IFT46: variants seen among roughly 807,000 people sequenced by gnomAD.
IFT46 encodes intraflagellar transport 46.
Under a neutral mutation model 39.6 loss-of-function variants are expected in IFT46, and 19 were observed. That is an observed-to-expected ratio of 0.48 (90% CI 0.33 to 0.70). The LOEUF is 0.70. Ranked by LOEUF, IFT46 falls within the 30% of genes least tolerant of loss-of-function variation. The pLI, the probability that IFT46 is intolerant of heterozygous loss-of-function variation, is 0.01. For synonymous variants in IFT46, 117 were observed against 134.8 expected (o/e 0.87, Z 0.91); for missense variants, 334 against 364.8 (o/e 0.92, Z 0.69).
intron 2 of IFT46, among the ~76,000 whole-genome samples, chr11:118,564,502 G>A (rs553634410): frequency 6.6e-6 from 1 of 152,116 alleles, no homozygotes; most frequent in Non-Finnish European, 1.5e-5. Flanking sequence ...CTTGAGGCTA[G>A]GAGTTCAAGA....
intron 2 of IFT46, chr11:118,560,288 A>G (rs3132828): frequency 0.6 from 105,946 of 175,578 alleles, 32,766 homozygotes; most frequent in East Asian, 0.79. Flanking sequence ...GTGTGATGCC[A>G]TGCGCCTGTG....
Position 118,544,993 on chromosome 11 carries a change from C to CAGCGAG in IFT46, c.832_837dup (p.Leu278_Ala279dup), listed in dbSNP as rs1951641209. 1 of 1,612,464 alleles carries CAGCGAG rather than the reference C, an allele frequency of 6.2e-7. No individual in the cohort carries two copies. The highest frequency in any genetic ancestry group is 1.1e-5 in the South Asian group (1 of 90,716). Reference sequence around the variant, plus strand: ...GAAGGAGTGAATGCTTTCTTGCCTTCAGCGAGAGCTTTAAAATGCTGCAAG... The same window carrying CAGCGAG: ...GAAGGAGTGAATGCTTTCTTGCCTTCAGCGAGAGCGAGAGCTTTAAAATGCTGCAAG... On this transcript the variant is annotated inframe_insertion, in exon 12 of 12. Transcript: ENST00000264021.
upstream of IFT46, chr11:118,573,552 T>G: frequency 1.8e-6 from 1 of 571,206 alleles, no homozygotes; most frequent in Non-Finnish European, 3.2e-6. Flanking sequence ...TATTTTTCAG[T>G]GCACCTTATG....
At chr11:118,569,345 A>G (rs1412110163), upstream of IFT46, among the ~76,000 whole-genome samples, 1 of 151,272 alleles carries the variant, frequency 6.6e-6, no homozygotes, top group Non-Finnish European at 1.5e-5. Flanking sequence ...GCAATCCCAG[A>G]ACTTTGGGGG....
At chr11:118,555,110 G>A (rs782065735) in intron 5 of IFT46, 27 bp from the exon 6 acceptor site, 3 of 1,576,752 alleles carry the variant, frequency 1.9e-6, no homozygotes, top group Admixed American at 3.3e-5. Context: ...AGGGAAGGTG[G>A]AGACAGTCAG....
At chr11:118,559,493 G>A (rs1453676920) in intron 3 of IFT46, among the ~76,000 whole-genome samples, 4 of 152,138 alleles carry the variant, frequency 2.6e-5, no homozygotes, top group South Asian at 2.1e-4. Context: ...CTGGGAATCC[G>A]TATATTTAAA....
At chr11:118,570,140 C>T (rs782362279), upstream of IFT46, among the ~76,000 whole-genome samples, 17 of 151,456 alleles carry the variant, frequency 1.1e-4, no homozygotes, top group East Asian at 3.9e-4. Flanking sequence ...ACCCAACCTC[C>T]GCCTCCTAGC....
chr11:118,567,270 T>G (rs1555071664), upstream of IFT46, among the ~76,000 whole-genome samples: 1 of 149,878 alleles, frequency 6.7e-6, no homozygotes, highest in Admixed American at 6.6e-5. Flanking sequence ...ATATAAATAA[T>G]GAATAATAAC....
chr11:118,573,584 G>A (rs1203205476), upstream of IFT46: 4 of 675,474 alleles, frequency 5.9e-6, no homozygotes, highest in African/African-American at 7.2e-5. Flanking sequence ...TTTGAAGGAT[G>A]TTCTGTTCTG....
intron 9 of IFT46, chr11:118,547,062 C>T (rs1056482403): frequency 2.5e-4 from 38 of 152,168 alleles, no homozygotes; most frequent in Non-Finnish European, 4.9e-4. Context: ...TATTCCATTG[C>T]ATAGTATTTC....
In IFT46 at chr11:118,572,595, C is replaced by A; in HGVS notation, c.-133+1G>T. 6.3e-7 allele frequency: 1 copy of A among 1,596,346 alleles called. No homozygotes were observed. Among genetic ancestry groups the A allele is most frequent in the South Asian group, 1.1e-5 (1 of 88,438 alleles). ...CCGAACTCCTGGGGTCCGAGCCTCA[C>A]CGTCTCTCCTTGTCGGCGGGCCTGG... On this transcript the variant is annotated splice_donor_variant, in intron 1 of 5. Transcript: ENST00000528378. LOFTEE classifies it low-confidence loss of function (5UTR_SPLICE).
chr11:118,572,296 C>A (rs1036245462), intron 1 of IFT46: 6 of 511,736 alleles, frequency 1.2e-5, no homozygotes, highest in Non-Finnish European at 1.8e-5. Context: ...ACCTCCTGGG[C>A]TTAATCGTAA....
chr11:118,572,356 C>CCCCCCCCCCCCCT, intron 1 of IFT46: 1 of 152,140 alleles, frequency 6.6e-6, no homozygotes, highest in South Asian at 2.1e-4. Context: ...CCGCCCCCCC[C>CCCCCCCCCCCCCT]CCCGCCCTTT....
intron 2 of IFT46, 31 bp downstream of exon 2, chr11:118,564,934 T>G (rs1332509107): frequency 3.9e-5 from 6 of 152,644 alleles, no homozygotes; most frequent in African/African-American, 1.4e-4. Context: ...TCCTGCTCTT[T>G]CAGTAGCATT....
chr11:118,552,461 C>T, intron 7 of IFT46, 126 bp from the exon 8 acceptor site: 2 of 1,140,906 alleles, frequency 1.8e-6, no homozygotes, highest in Admixed American at 2.2e-5. Context: ...CCACGTGAAA[C>T]AGTAGCCAAA....
chr11:118,554,553 C>T lies in IFT46; in HGVS notation c.389G>A (p.Gly130Asp). The stretch of plus-strand genomic sequence containing the variant: ...AGAAGGTTCATCCAATACCAATAGG[C>T]CAAGGTTGTCAGGCTTTCCATCAGG... ...PRPDGKPDNL[G>D]LLVLDEPSTK... The change falls in exon 7 of 12, where the codon GGC becomes GAC. Residue 130 changes from glycine to aspartate, a missense_variant. Physicochemically the swap from Gly to Asp is moderately conservative, Grantham distance 94 (BLOSUM62 -1). Coordinates refer to ENST00000264021, the MANE Select transcript of IFT46 (RefSeq NM_001168618.2). 6.2e-7 allele frequency: 1 copy of T among 1,611,806 alleles called. No individual in the cohort carries two copies. Among genetic ancestry groups the T allele is most frequent in the Non-Finnish European group, 8.5e-7 (1 of 1,179,398 alleles).
intron 3 of IFT46, among the ~76,000 whole-genome samples, chr11:118,558,357 G>A (rs144826049): frequency 0.012 from 1,901 of 152,120 alleles, 32 homozygotes; most frequent in African/African-American, 0.04. Context: ...AGCACTTTGG[G>A]AGACCGAAGC....
chr11:118,551,706 A>G, intron 9 of IFT46, 80 bp downstream of exon 9: 1 of 1,042,982 alleles, frequency 9.6e-7, no homozygotes, highest in Non-Finnish European at 1.5e-6. Context: ...CAATAATAAT[A>G]ATGGAGGAAG....
rs536308096 is a variant in IFT46, at chr11:118,572,188, T to A, written c.-133+408A>T. Among the ~76,000 whole-genome samples the A allele has an allele frequency of 2.0e-4, 30 of 152,194 alleles. No homozygotes were observed. In the South Asian group the frequency reaches 6.2e-3, roughly 32 times the overall value. ...AAATAATAGTGGCTGTGCCAGCGGC[T>A]TGTTAAACTGTAAGATGTGACGCAA... On this transcript the variant is annotated intron_variant, in intron 1 of 5. Transcript: ENST00000528378.
Sources: allele counts gnomAD v4.1 joint callset (sites outside exome capture counted in the v4.1 genomes callset), GRCh38; gene constraint gnomAD v4.1.1; transcripts MANE v1.5; gene names NCBI Gene and HGNC (gene_info 2026-07-23, HGNC 2026-07-21).